SCYL2: variants seen among roughly 807,000 people sequenced by gnomAD.
SCYL2 encodes the protein SCY1-like protein 2.
A neutral mutation model predicts 100.4 loss-of-function variants in SCYL2; 36 were observed. That is an observed-to-expected ratio of 0.36 (90% CI 0.27 to 0.47). SCYL2 has a LOEUF of 0.47. Ranked by LOEUF, SCYL2 falls within the 20% of genes least tolerant of loss-of-function variation. The probability of loss-of-function intolerance (pLI) is 1.00; values close to 1 mark genes in which losing one functional copy is unlikely to be tolerated. For missense variants in SCYL2, 902 were observed against 1,083.9 expected (o/e 0.83, Z 2.36); for synonymous variants, 330 against 359.2 (o/e 0.92, Z 0.92).
intron 16 of SCYL2, among the ~76,000 whole-genome samples, chr12:100,336,705 C>G (rs1402559141): frequency 1.2e-4 from 18 of 151,986 alleles, no homozygotes; most frequent in Non-Finnish European, 5.9e-5. Flanking sequence ...TTTTTCTTCT[C>G]TATTTCTTGC....
chr12:100,283,738 C>G (rs1318342449), intron 2 of SCYL2, among the ~76,000 whole-genome samples: 1 of 152,190 alleles, frequency 6.6e-6, no homozygotes, highest in Non-Finnish European at 1.5e-5. Flanking sequence ...TTATTTGCTA[C>G]TTTTCCGAAG....
intron 5 of SCYL2, among the ~76,000 whole-genome samples, chr12:100,312,150 G>A (rs1388313202): frequency 1.3e-5 from 2 of 152,174 alleles, no homozygotes; most frequent in Non-Finnish European, 2.9e-5. Context: ...TGAAGCCTGT[G>A]TATCATAAAA....
chr12:100,310,853 A>T (rs1447657946), intron 4 of SCYL2, among the ~76,000 whole-genome samples, 191 bp from the exon 5 acceptor site: 1 of 152,188 alleles, frequency 6.6e-6, no homozygotes, highest in Admixed American at 6.5e-5. Context: ...GATTTTTCTC[A>T]CTAATCTTCA....
chr12:100,290,608 A>G (rs1386056728), intron 2 of SCYL2, among the ~76,000 whole-genome samples: 1 of 152,164 alleles, frequency 6.6e-6, no homozygotes, highest in African/African-American at 2.4e-5. Context: ...TAGAAAACTA[A>G]TTGTCTTGGA....
intron 2 of SCYL2, among the ~76,000 whole-genome samples, chr12:100,286,433 T>G (rs905153081): frequency 1.3e-5 from 2 of 152,144 alleles, no homozygotes; most frequent in African/African-American, 4.8e-5. Context: ...TTATTATGAC[T>G]TTTTATATTT....
chr12:100,310,576 T>G (rs2096341021), intron 4 of SCYL2, among the ~76,000 whole-genome samples: 1 of 152,206 alleles, frequency 6.6e-6, no homozygotes, highest in Non-Finnish European at 1.5e-5. Context: ...TTACCAAATA[T>G]TAATCCACTG....
intron 4 of SCYL2, among the ~76,000 whole-genome samples, chr12:100,299,916 TCA>T (rs1301023421): frequency 6.6e-6 from 1 of 152,222 alleles, no homozygotes; most frequent in Non-Finnish European, 1.5e-5. Context: ...TGTGTATGAT[TCA>T]CTTTTTAAGA....
intron 1 of SCYL2, among the ~76,000 whole-genome samples, chr12:100,272,280 T>G (rs1162707243): frequency 1.3e-5 from 2 of 152,180 alleles, no homozygotes; most frequent in Non-Finnish European, 1.5e-5. Flanking sequence ...TTTTTCTTCA[T>G]TAATCAAAGG....
chr12:100,299,982 A>G (rs1222241922), intron 4 of SCYL2, among the ~76,000 whole-genome samples: 8 of 152,210 alleles, frequency 5.3e-5, no homozygotes, highest in Non-Finnish European at 1.2e-4. Flanking sequence ...TATCAGCAGC[A>G]TATAAGAATT....
chr12:100,294,737 G>A (rs1255563962), intron 3 of SCYL2, among the ~76,000 whole-genome samples: 1 of 134,576 alleles, frequency 7.4e-6, no homozygotes, highest in Non-Finnish European at 1.6e-5. Context: ...GTGGCTGGCC[G>A]GGTGGGGGGC....
chr12:100,302,716 A>C (rs374032394), intron 4 of SCYL2, among the ~76,000 whole-genome samples: 1 of 152,082 alleles, frequency 6.6e-6, no homozygotes, highest in Non-Finnish European at 1.5e-5. Flanking sequence ...GGTGAATCTG[A>C]TAATTATGTG....
chr12:100,268,247 T>C (rs2096282019), intron 1 of SCYL2, among the ~76,000 whole-genome samples: 1 of 152,192 alleles, frequency 6.6e-6, no homozygotes, highest in South Asian at 2.1e-4. Flanking sequence ...TTGGATACTA[T>C]GAGTGAGTTT....
At chr12:100,268,512 C>A (rs2096282741) in intron 1 of SCYL2, among the ~76,000 whole-genome samples, 1 of 152,102 alleles carries the variant, frequency 6.6e-6, no homozygotes, top group Admixed American at 6.6e-5. Flanking sequence ...AAACTGTAAT[C>A]ATAAAGAATG....
intron 5 of SCYL2, among the ~76,000 whole-genome samples, chr12:100,311,645 G>A (rs1301222222): frequency 6.6e-6 from 1 of 152,176 alleles, no homozygotes; most frequent in African/African-American, 2.4e-5. Context: ...ATACAGATAA[G>A]TTAAGTAGGC....
chr12:100,329,278 C>G lies in SCYL2; in HGVS notation c.1720C>G (p.Leu574Val). The change falls in exon 13 of 18, where the codon CTT (leucine) becomes GTT (valine). Residue 574 changes from leucine (L) to valine (V), a missense_variant. By Grantham distance (32) the Leu-to-Val change is conservative. Coordinates refer to ENST00000360820, the MANE Select transcript of SCYL2 (RefSeq NM_017988.6). The part of the protein sequence containing the change: ...EQLAGKVLPH[L>V]IPLSIENNLN... ...GCTGGCCGGAAAAGTGTTGCCTCATCTTATTCCCCTGAGTATTGAAAACAA... is the reference window on the plus strand; with the variant it reads ...GCTGGCCGGAAAAGTGTTGCCTCATGTTATTCCCCTGAGTATTGAAAACAA... 2 of 1,603,252 alleles carry G rather than the reference C, an allele frequency of 1.2e-6. No homozygotes were observed. Among genetic ancestry groups the G allele is most frequent in the Non-Finnish European group, 1.7e-6 (2 of 1,170,442 alleles).
chr12:100,301,914 C>T (rs968334265), intron 4 of SCYL2, among the ~76,000 whole-genome samples: 4 of 152,204 alleles, frequency 2.6e-5, no homozygotes, highest in East Asian at 1.9e-4. Context: ...AGACCCATGG[C>T]GTACTATGTG....
chr12:100,317,669 C>G lies in SCYL2; in HGVS notation c.1273-134C>G, dbSNP rs145681924. ...GACTTGATTTGTGTGTTTTTGTCTT[C>G]CACGCATTCAGGCTAGCAACATGGT... is the stretch of plus-strand genomic sequence containing the variant. On this transcript the variant is annotated intron_variant, in intron 9 of 17. Coordinates refer to ENST00000360820, the MANE Select transcript of SCYL2 (RefSeq NM_017988.6). 2.3e-4 allele frequency: 319 copies of G among 1,408,656 alleles called. 8 individuals carry two copies. The East Asian group carries it at 8.2e-3, about 36-fold the overall frequency. The allele number at this position is 1,408,656 out of a possible 1,614,324, so 87.3% of individuals were successfully genotyped here. A position where few individuals can be genotyped will look rare whatever the true frequency, so the allele number is the denominator to read the frequency against.
intron 4 of SCYL2, among the ~76,000 whole-genome samples, chr12:100,310,400 C>T (rs1011654515): frequency 6.6e-6 from 1 of 152,156 alleles, no homozygotes; most frequent in Non-Finnish European, 1.5e-5. Flanking sequence ...CTTCGAGCAT[C>T]TTTTCATGTG....
At chr12:100,316,027 T>C (rs1307664229) in intron 9 of SCYL2, among the ~76,000 whole-genome samples, 1 of 152,248 alleles carries the variant, frequency 6.6e-6, no homozygotes. Context: ...ATATATACTT[T>C]GTAGAAAGTT....
Sources: gnomAD v4.1 joint callset for allele counts (sites outside exome capture counted in the v4.1 genomes callset) on GRCh38, gnomAD v4.1.1 for gene constraint, MANE v1.5 for transcripts, NCBI Gene and HGNC (gene_info 2026-07-23, HGNC 2026-07-21) for gene names.